UGT1A10: variants seen among roughly 807,000 people sequenced by gnomAD.
UGT1A10 encodes the protein UDP glucuronosyltransferase family 1 member A10.
In UGT1A10, 49 loss-of-function variants were observed where a neutral mutation model predicts 45.8. The ratio of observed to expected loss-of-function variants is 1.07; its 90% CI spans 0.85 to 1.36. The LOEUF (loss-of-function observed/expected upper bound fraction) is 1.36. UGT1A10 is among the 40% of genes most tolerant of loss of function. The probability of loss-of-function intolerance (pLI) is 0.00; values close to 1 mark genes in which losing one functional copy is unlikely to be tolerated. For missense variants in UGT1A10, 745 were observed against 668.6 expected (o/e 1.11, Z -1.26); for synonymous variants, 284 against 249.7 (o/e 1.14, Z -1.29).
Position 233,706,266 on chromosome 2 carries a change from C to T in UGT1A10, c.856-60768C>T, listed in dbSNP as rs377506565. Among the ~76,000 whole-genome samples, 11 of 152,174 alleles carry T rather than the reference C, an allele frequency of 7.2e-5. No homozygotes were observed. In the East Asian group the frequency reaches 9.6e-4, roughly 13 times the overall value. ...GAGAGAACCAGGGCAGCTGGATTGC[C>T]CAACCTCAGGGGTGGGGCCCAGTGC... On this transcript the variant is annotated intron_variant, in intron 1 of 4. Coordinates refer to ENST00000344644, the MANE Select transcript of UGT1A10 (RefSeq NM_019075.4).
intron 1 of UGT1A10, among the ~76,000 whole-genome samples, chr2:233,737,437 T>C (rs980239131): frequency 1.1e-4 from 16 of 152,146 alleles, no homozygotes; most frequent in Admixed American, 3.3e-4. Flanking sequence ...GGTGGGAGTG[T>C]CCCGTTTTTC....
intron 1 of UGT1A10, among the ~76,000 whole-genome samples, chr2:233,709,993 T>G (rs2076102141): frequency 6.6e-6 from 1 of 152,226 alleles, no homozygotes; most frequent in African/African-American, 2.4e-5. Context: ...CTGAATGGAA[T>G]CATACAATTA....
chr2:233,769,434 T>A lies in UGT1A10; in HGVS notation c.1295+995T>A. ...GCGTTTGTGCATGTGGCTGTGCTCA[T>A]GTGTGGGTGCACACGTGTGCATTCA... is the stretch of plus-strand genomic sequence containing the variant. On this transcript the variant is annotated intron_variant, in intron 4 of 4. Coordinates refer to ENST00000344644, the MANE Select transcript of UGT1A10 (RefSeq NM_019075.4). The surrounding 1 kb of genome is among the most constrained non-coding windows in gnomAD (Gnocchi z 4.4). 1 of 1,542,192 alleles carries A rather than the reference T, an allele frequency of 6.5e-7. No individual in the cohort carries two copies.
chr2:233,719,157 A>C (rs757422133), intron 1 of UGT1A10: 2 of 1,614,264 alleles, frequency 1.2e-6, no homozygotes, highest in Non-Finnish European at 1.7e-6. Context: ...ATATTCTAGA[A>C]GTATGGCAAT....
intron 1 of UGT1A10, among the ~76,000 whole-genome samples, chr2:233,694,152 C>T (rs1559347022): frequency 6.6e-6 from 1 of 152,148 alleles, no homozygotes; most frequent in Non-Finnish European, 1.5e-5. Flanking sequence ...AGAAATGTCC[C>T]AGTTCAAACA....
rs945545582 is a variant in UGT1A10, at chr2:233,772,813, G to A, written c.*254G>A. On this transcript the variant is annotated 3_prime_UTR_variant, in exon 5 of 5. Coordinates refer to ENST00000344644, the MANE Select transcript of UGT1A10 (RefSeq NM_019075.4). ...TGACATGTGCCATTTTTCAGAGGAC[G>A]TGCAGACAGGCTGGCATTCTAGATT... 2 of 1,026,302 alleles carry A rather than the reference G, an allele frequency of 1.9e-6. No individual in the cohort carries two copies. Among genetic ancestry groups the A allele is most frequent in the Admixed American group, 3.1e-5 (1 of 32,076 alleles). 63.6% of individuals were successfully genotyped at this position (1,026,302 alleles called of 1,614,324 possible).
At chr2:233,637,474 G>T (rs1292289661) in intron 1 of UGT1A10, 97 bp downstream of exon 1, 9 of 1,496,642 alleles carry the variant, frequency 6.0e-6, no homozygotes, top group South Asian at 1.4e-5. Flanking sequence ...TTCGTTTGTT[G>T]CATTTCAAAT....
At chr2:233,694,253 G>A (rs910405791) in intron 1 of UGT1A10, among the ~76,000 whole-genome samples, 1 of 151,712 alleles carries the variant, frequency 6.6e-6, no homozygotes, top group African/African-American at 2.4e-5. Context: ...TTGAGCCAGG[G>A]ACCAGCGAAC....
At chr2:233,651,602 C>T (rs1164867991) in intron 1 of UGT1A10, among the ~76,000 whole-genome samples, 2 of 152,130 alleles carry the variant, frequency 1.3e-5, no homozygotes, top group African/African-American at 4.8e-5. Context: ...TTACAACATA[C>T]CTACAAAAGT....
intron 1 of UGT1A10, chr2:233,682,085 C>T (rs772240265): frequency 1.4e-5 from 23 of 1,613,958 alleles, no homozygotes; most frequent in Non-Finnish European, 5.9e-6. Flanking sequence ...GAAACTCATC[C>T]TCAGGGGGCA....
intron 1 of UGT1A10, among the ~76,000 whole-genome samples, chr2:233,745,523 G>A (rs530279744): frequency 2.0e-5 from 3 of 151,672 alleles, no homozygotes; most frequent in African/African-American, 2.4e-5. Context: ...GGTCTAATGG[G>A]GATGTGTTAT....
chr2:233,679,177 T>C (rs1350957015), intron 1 of UGT1A10, among the ~76,000 whole-genome samples: 1 of 152,140 alleles, frequency 6.6e-6, no homozygotes, highest in Admixed American at 6.5e-5. Flanking sequence ...ACGTAGACCA[T>C]TTTGACACCT....
chr2:233,760,166 G>A (rs2125979528), intron 1 of UGT1A10: 1 of 1,522,128 alleles, frequency 6.6e-7, no homozygotes, highest in African/African-American at 1.4e-5. Context: ...TACCTTTGTG[G>A]ACTGACAGCT....
In UGT1A10 at chr2:233,672,159, G is replaced by A. The variant is rs41264153; in HGVS notation, c.855+34782G>A. ...GAAGATCACTGAATTGCACAGTGAAGACTTATTCAACTTCATATACCCTGG... is the reference window on the plus strand; with the variant it reads ...GAAGATCACTGAATTGCACAGTGAAAACTTATTCAACTTCATATACCCTGG... On this transcript the variant is annotated intron_variant, in intron 1 of 4. Transcript: ENST00000344644. 12,138 of 1,614,202 alleles carry A rather than the reference G, an allele frequency of 7.5e-3. 71 individuals are homozygous for A. The highest frequency in any genetic ancestry group is 9.3e-3 in the Non-Finnish European group (11,018 of 1,180,026).
At chr2:233,640,966 A>G (rs889085885) in intron 1 of UGT1A10, among the ~76,000 whole-genome samples, 6 of 152,226 alleles carry the variant, frequency 3.9e-5, no homozygotes, top group African/African-American at 1.2e-4. Context: ...GGTCTAGGAC[A>G]CATAGCCCTC....
chr2:233,687,478 T>C (rs1279776025), intron 1 of UGT1A10, among the ~76,000 whole-genome samples: 1 of 151,062 alleles, frequency 6.6e-6, no homozygotes, highest in African/African-American at 2.4e-5. Flanking sequence ...TTGGCAGACC[T>C]ATTTTTCAGA....
chr2:233,752,000 T>A (rs1694866049), intron 1 of UGT1A10, among the ~76,000 whole-genome samples: 1 of 152,106 alleles, frequency 6.6e-6, no homozygotes, highest in African/African-American at 2.4e-5. Context: ...TTGAGAAAGT[T>A]GATGAGAAAG....
At chr2:233,717,869 T>G in intron 1 of UGT1A10, 1 of 454,868 alleles carries the variant, frequency 2.2e-6, no homozygotes, top group South Asian at 1.6e-5. Context: ...TGGATTGACT[T>G]GGAGAAAAGC....
chr2:233,760,460 T>C (rs2125984411), intron 1 of UGT1A10: 1 of 1,614,176 alleles, frequency 6.2e-7, no homozygotes. Flanking sequence ...CATGAAATAG[T>C]TGTCCTAGCA....
Sources: gnomAD v4.1 joint callset for allele counts (sites outside exome capture counted in the v4.1 genomes callset) on GRCh38, gnomAD v4.1.1 for gene constraint, Gnocchi (gnomAD v3.1) non-coding constraint, MANE v1.5 for transcripts, NCBI Gene and HGNC (gene_info 2026-07-23, HGNC 2026-07-21) for gene names.